The following HEY2 variants were observed in gnomAD, a reference collection of about 807,000 sequenced individuals.
HEY2 encodes the protein hairy/enhancer-of-split related with YRPW motif protein 2.
In HEY2, 10 loss-of-function variants were observed where a neutral mutation model predicts 18.1. That is an observed-to-expected ratio of 0.55 (90% CI 0.34 to 0.94). The LOEUF (loss-of-function observed/expected upper bound fraction) is 0.94, where lower values mean the gene tolerates loss of function less well. HEY2 is among the 40% of genes least tolerant of loss of function. The pLI is 0.02. For missense variants in HEY2, 455 were observed against 455.9 expected, an observed-to-expected ratio of 1.00 and a Z score of 0.02; for synonymous variants, 210 against 182.7, an observed-to-expected ratio of 1.15 and a Z score of -1.21.
intron 2 of HEY2, 47 bp downstream of exon 2, chr6:125,751,926 T>G: frequency 1.3e-6 from 2 of 1,570,934 alleles, no homozygotes; most frequent in Non-Finnish European, 1.8e-6. Context: ...TATACTATTG[T>G]GTAACAGTTA....
Position 125,754,470 on chromosome 6 carries a change from T to C in HEY2, c.252T>C (p.Ser84=). 6.4e-7 allele frequency: 1 copy of C among 1,571,744 alleles called. No homozygotes were observed. Among genetic ancestry groups the C allele is most frequent in the Non-Finnish European group, 8.7e-7 (1 of 1,150,556 alleles). Residue 84 remains serine (S), a synonymous_variant, in exon 4 of 5, where the codon TCT becomes TCC. Coordinates refer to ENST00000368364, the MANE Select transcript of HEY2 (RefSeq NM_012259.3). ...LVPTAFEKQG[S]AKLEKAEILQ... ...TTATTTATTTATTTATGAAGGGATCTGCAAAGTTAGAAAAAGCTGAAATAT... is the reference window on the plus strand; with the variant it reads ...TTATTTATTTATTTATGAAGGGATCCGCAAAGTTAGAAAAAGCTGAAATAT...
intron 1 of HEY2, among the ~76,000 whole-genome samples, chr6:125,751,289 CAGTA>C (rs1209536907): frequency 2.0e-5 from 3 of 152,146 alleles, no homozygotes; most frequent in African/African-American, 7.2e-5. Flanking sequence ...AGTTTTGAAA[CAGTA>C]AGATAACTTC....
chr6:125,754,325 G>T, intron 3 of HEY2, 140 bp from the exon 4 acceptor site: 2 of 431,120 alleles, frequency 4.6e-6, no homozygotes, highest in Non-Finnish European at 8.2e-6. Flanking sequence ...GAAAGAATTC[G>T]AAGTTTTCTG....
chr6:125,750,179 C>T (rs1773514139), intron 1 of HEY2: 2 of 905,826 alleles, frequency 2.2e-6, no homozygotes, highest in South Asian at 5.0e-5. Context: ...CAGGCGATGT[C>T]CCAGCCACTG....
At chr6:125,758,307 C>A (rs1290486342) in intron 4 of HEY2, among the ~76,000 whole-genome samples, 1 of 152,132 alleles carries the variant, frequency 6.6e-6, no homozygotes, top group African/African-American at 2.4e-5. Context: ...TGCATATACA[C>A]TGACAAAATT....
chr6:125,758,981 AT>A (rs1773722213), intron 4 of HEY2, 135 bp from the exon 5 acceptor site: 1 of 622,352 alleles, frequency 1.6e-6, no homozygotes. Context: ...TCCAGAAAGG[AT>A]TATCGTTCCA....
Position 125,759,102 on chromosome 6 carries a change from C to G in HEY2, c.329-15C>G. ...TCTCTCTCCTGTTCCCTACTTTGCT[C>G]AAACCCACTTTTAGGCTACTTTGAC... On this transcript the variant is annotated splice_polypyrimidine_tract_variant and intron_variant, in intron 4 of 4. Transcript: ENST00000368364. 6.4e-7 allele frequency: 1 copy of G among 1,573,718 alleles called. No individual in the cohort carries two copies. Among genetic ancestry groups the G allele is most frequent in the South Asian group, 1.2e-5 (1 of 84,384 alleles).
chr6:125,752,599 G>C (rs974497054), intron 3 of HEY2, among the ~76,000 whole-genome samples: 2 of 152,166 alleles, frequency 1.3e-5, no homozygotes, highest in African/African-American at 4.8e-5. Context: ...CCCTGGGTTG[G>C]TAGAATGCCA....
In HEY2 at chr6:125,759,514, C is replaced by T. The variant is rs1773745590; in HGVS notation, c.726C>T (p.Ser242=). The T allele has an allele frequency of 6.2e-7, 1 of 1,611,218 alleles. No individual in the cohort carries two copies. The highest frequency in any genetic ancestry group is 1.7e-5 in the Admixed American group (1 of 60,014). ...CGGATTCAGCCCTCCGAATGCCATC[C>T]ACGGGCAGCGTCGCCCCCTGCGTGC... ...AHADSALRMP[S]TGSVAPCVPP... The change falls in exon 5 of 5, where the codon TCC becomes TCT. Residue 242 remains serine, a synonymous_variant. Transcript: ENST00000368364.
intron 3 of HEY2, among the ~76,000 whole-genome samples, chr6:125,754,099 A>G (rs1773604787): frequency 6.6e-6 from 1 of 152,222 alleles, no homozygotes; most frequent in Non-Finnish European, 1.5e-5. Context: ...AAGACTATTG[A>G]TGCCCCATAG....
intron 4 of HEY2, among the ~76,000 whole-genome samples, chr6:125,756,117 A>C (rs1349383042): frequency 6.6e-6 from 1 of 152,224 alleles, no homozygotes; most frequent in African/African-American, 2.4e-5. Flanking sequence ...TATTATAAAA[A>C]CTAAGTTCCA....
At chr6:125,753,532 A>T (rs1000547136) in intron 3 of HEY2, among the ~76,000 whole-genome samples, 21 of 152,150 alleles carry the variant, frequency 1.4e-4, no homozygotes, top group African/African-American at 5.1e-4. Context: ...CAAGTAAAGC[A>T]TAGGGACCTG....
intron 4 of HEY2, among the ~76,000 whole-genome samples, chr6:125,754,955 CCTT>C (rs770432387): frequency 3.3e-5 from 5 of 152,196 alleles, no homozygotes; most frequent in South Asian, 2.1e-4. Flanking sequence ...TCTTCCTACT[CCTT>C]CTCCTCCTCT....
intron 3 of HEY2, among the ~76,000 whole-genome samples, 172 bp from the exon 4 acceptor site, chr6:125,754,293 T>C (rs540312188): frequency 6.6e-6 from 1 of 152,220 alleles, no homozygotes; most frequent in Non-Finnish European, 1.5e-5. Context: ...TGACATTAAT[T>C]AGTGCTTTCA....
In HEY2 at chr6:125,760,788, G is replaced by A. The variant is rs1773786287; in HGVS notation, c.*986G>A. 6.6e-6 allele frequency: 1 copy of A among 152,490 alleles called. No individual in the cohort carries two copies. Among genetic ancestry groups the A allele is most frequent in the African/African-American group, 2.4e-5 (1 of 41,370 alleles). The allele number at this position is 152,490 out of a possible 1,614,324, so 9.4% of individuals were successfully genotyped here. A position where few individuals can be genotyped will look rare whatever the true frequency, so the allele number is the denominator to read the frequency against. On this transcript the variant is annotated 3_prime_UTR_variant, in exon 5 of 5. Transcript: ENST00000368364. ...CAACATCTATTCTTGTCACCCTTTG[G>A]GAGAAGTTACATTTCTGGAGGTGAT...
chr6:125,750,006 G>T (rs1013808758), intron 1 of HEY2, 147 bp downstream of exon 1: 1 of 777,070 alleles, frequency 1.3e-6, no homozygotes, highest in African/African-American at 1.7e-5. Flanking sequence ...TGAGTGGTGG[G>T]CGCTCGCAGA....
rs780736921 is a variant in HEY2 at position 125,759,159 on chromosome 6, T to C, written c.371T>C (p.Ile124Thr). The change falls in exon 5 of 5, where the codon ATA becomes ACA. Residue 124 changes from isoleucine (I) to threonine (T), a missense_variant. Transcript: ENST00000368364. The stretch of plus-strand genomic sequence containing the variant: ...GCTCTTGCCATGGACTTCATGAGCA[T>C]AGGATTCCGAGAGTGCCTAACAGAA... The part of the protein sequence containing the change: ...AHALAMDFMS[I>T]GFRECLTEVA... The C allele has an allele frequency of 3.1e-6, 5 of 1,612,574 alleles. No homozygotes were observed. Among genetic ancestry groups the C allele is most frequent in the Non-Finnish European group, 3.4e-6 (4 of 1,179,380 alleles).
In HEY2 at chr6:125,761,256, G is replaced by A. The variant is rs1446426617; in HGVS notation, c.*1454G>A. 1 of 152,566 alleles carries A rather than the reference G, an allele frequency of 6.6e-6. No homozygotes were observed. The highest frequency in any genetic ancestry group is 1.5e-5 in the Non-Finnish European group (1 of 68,030). 9.5% of individuals were successfully genotyped at this position (152,566 alleles called of 1,614,324 possible). On this transcript the variant is annotated 3_prime_UTR_variant, in exon 5 of 5. Coordinates refer to ENST00000368364, the MANE Select transcript of HEY2 (RefSeq NM_012259.3). Reference sequence around the variant, plus strand: ...CTTTACATACCACTAATTAAATGAAGTCCTTTTTGACTATTTTTTATGTGG... The same window carrying A: ...CTTTACATACCACTAATTAAATGAAATCCTTTTTGACTATTTTTTATGTGG...
At chr6:125,754,743 G>T (rs915935869) in intron 4 of HEY2, among the ~76,000 whole-genome samples, 197 bp downstream of exon 4, 3 of 152,136 alleles carry the variant, frequency 2.0e-5, no homozygotes, top group African/African-American at 7.2e-5. Flanking sequence ...TGGAACAAAA[G>T]AAGCACTTGA....
Sources: allele counts gnomAD v4.1 joint callset (sites outside exome capture counted in the v4.1 genomes callset), GRCh38; gene constraint gnomAD v4.1.1; transcripts MANE v1.5; gene names NCBI Gene and HGNC (gene_info 2026-07-23, HGNC 2026-07-21).